The following PRLR variants were observed in gnomAD, a reference collection of about 807,000 sequenced individuals.
PRLR encodes hPRL receptor.
In PRLR, 13 loss-of-function variants were observed where a neutral mutation model predicts 40.2. The observed-to-expected ratio is 0.32, with a 90% confidence interval of 0.21 to 0.51. PRLR has a LOEUF of 0.51. Among genes scored for constraint, PRLR ranks in the 20% least tolerant of loss-of-function variants. PRLR has a pLI of 0.97. For synonymous variants in PRLR, 269 were observed against 278.7 expected, an observed-to-expected ratio of 0.97 and a Z score of 0.35; for missense variants, 656 against 747.3, an observed-to-expected ratio of 0.88 and a Z score of 1.42.
intron 1 of PRLR, among the ~76,000 whole-genome samples, chr5:35,201,312 A>G (rs1183876588): frequency 6.6e-6 from 1 of 152,204 alleles, no homozygotes; most frequent in Non-Finnish European, 1.5e-5. Flanking sequence ...CTTTTAAAAC[A>G]TAGTATATTT....
chr5:35,228,071 CTACTAATGTAAG>C (rs1428289286), intron 1 of PRLR, among the ~76,000 whole-genome samples: 1 of 152,072 alleles, frequency 6.6e-6, no homozygotes, highest in Non-Finnish European at 1.5e-5. Context: ...ACTCATTCTT[CTACTAATGTAAG>C]CCCCATAGGA....
In PRLR at chr5:35,065,957, G is replaced by C; in HGVS notation, c.1001C>G (p.Pro334Arg). The part of the protein sequence containing the change: ...HLMSVHSKEH[P>R]SQGMKPTYLD... ...GTATGTGGGTTTCATACCTTGACTT[G>C]GGTGTTCTTTTGAATGGACTGACAT... Residue 334 changes from proline to arginine, a missense_variant, in exon 10 of 10, where the codon CCA becomes CGA. By Grantham distance (103) the Pro-to-Arg change is moderately radical (BLOSUM62 -2). Coordinates refer to ENST00000618457, the MANE Select transcript of PRLR (RefSeq NM_000949.7). The C allele has an allele frequency of 6.2e-7, 1 of 1,614,082 alleles. No homozygotes were observed.
chr5:35,113,526 T>TATCCATCC (rs112802870), intron 2 of PRLR, among the ~76,000 whole-genome samples: 113 of 137,540 alleles, frequency 8.2e-4, no homozygotes, highest in African/African-American at 2.8e-3. Context: ...TCCATTTATC[T>TATCCATCC]ATCCATCCAT....
chr5:35,052,778 A>G (rs568110840), downstream of PRLR, among the ~76,000 whole-genome samples: 34 of 152,292 alleles, frequency 2.2e-4, no homozygotes, highest in Admixed American at 1.0e-3. Flanking sequence ...AGGCATTCCT[A>G]CACAGAGAGG....
intron 8 of PRLR, among the ~76,000 whole-genome samples, chr5:35,050,480 G>T (rs987339955): frequency 1.3e-5 from 2 of 152,152 alleles, no homozygotes; most frequent in South Asian, 2.1e-4. Flanking sequence ...TTTTACATAA[G>T]ACTAGAGAAG....
intron 1 of PRLR, among the ~76,000 whole-genome samples, chr5:35,154,168 T>A (rs1312537465): frequency 6.6e-6 from 1 of 152,162 alleles, no homozygotes; most frequent in Non-Finnish European, 1.5e-5. Context: ...GGTAGAAAAC[T>A]CATAGAATTA....
chr5:35,221,154 T>C (rs933974498), intron 1 of PRLR, among the ~76,000 whole-genome samples: 6 of 152,200 alleles, frequency 3.9e-5, no homozygotes, highest in African/African-American at 1.4e-4. Flanking sequence ...CCAATGACAG[T>C]CCCTGGAGAC....
chr5:35,054,289 C>T (rs903460214), downstream of PRLR, among the ~76,000 whole-genome samples: 6 of 152,128 alleles, frequency 3.9e-5, no homozygotes, highest in African/African-American at 1.4e-4. Context: ...TTTACATGAC[C>T]CAACAATTCC....
chr5:35,205,898 C>T (rs995865983), intron 1 of PRLR, among the ~76,000 whole-genome samples: 1 of 152,178 alleles, frequency 6.6e-6, no homozygotes, highest in East Asian at 1.9e-4. Flanking sequence ...GAACACATTA[C>T]ATATGCTCAG....
intron 1 of PRLR, among the ~76,000 whole-genome samples, chr5:35,228,232 C>CAAAAAAAAAA (rs55934270): frequency 2.3e-5 from 2 of 87,432 alleles, no homozygotes; most frequent in African/African-American, 7.8e-5. Flanking sequence ...AACAACCATG[C>CAAAAAAAAAA]AAAAAAAAAA....
intron 2 of PRLR, among the ~76,000 whole-genome samples, chr5:35,099,792 T>G (rs182090300): frequency 3.3e-5 from 5 of 152,288 alleles, no homozygotes. Flanking sequence ...CTTTTAAAAA[T>G]AGAAAAAAGT....
chr5:35,135,647 A>C (rs1387092247), intron 1 of PRLR, among the ~76,000 whole-genome samples: 1 of 152,194 alleles, frequency 6.6e-6, no homozygotes, highest in Non-Finnish European at 1.5e-5. Flanking sequence ...GATTGACTCC[A>C]GTATCTTCCT....
rs148158064 is a variant in PRLR at position 35,115,744 on chromosome 5, C to T, written c.-44+2317G>A. Among the ~76,000 whole-genome samples the T allele has an allele frequency of 1.1e-3, 171 of 151,440 alleles. 3 individuals are homozygous for T. In the Middle Eastern group the frequency reaches 0.048, roughly 42 times the overall value. ...TTCCACCCTGGGTGGGTATGGGGCACGAGGGAGTGATTGTTAGGGAGTGAT... is the reference window on the plus strand; with the variant it reads ...TTCCACCCTGGGTGGGTATGGGGCATGAGGGAGTGATTGTTAGGGAGTGAT... On this transcript the variant is annotated intron_variant, in intron 2 of 9. Transcript: ENST00000618457.
Position 35,103,889 on chromosome 5 carries a change from A to G in PRLR, c.-44+14172T>C, listed in dbSNP as rs541181379. Among the ~76,000 whole-genome samples the G allele has an allele frequency of 7.2e-5, 11 of 152,342 alleles. No homozygotes were observed. In the East Asian group the frequency reaches 1.9e-3, roughly 27 times the overall value. ...GTGTGCCTAAGCAGAAGGCCTGACA[A>G]ACATCTGAATGTGTTTTTGAATGTC... On this transcript the variant is annotated intron_variant, in intron 2 of 9. Transcript: ENST00000618457.
intron 5 of PRLR, among the ~76,000 whole-genome samples, chr5:35,075,482 G>T (rs1770019974): frequency 6.6e-6 from 1 of 152,212 alleles, no homozygotes; most frequent in South Asian, 2.1e-4. Context: ...TGGCAGTGAG[G>T]CTGGGGGAGG....
intron 1 of PRLR, among the ~76,000 whole-genome samples, chr5:35,187,724 G>A (rs994954382): frequency 3.9e-4 from 59 of 152,208 alleles, no homozygotes; most frequent in African/African-American, 1.2e-3. Context: ...CCACTTGTCT[G>A]AAGCCGCATA....
intron 3 of PRLR, among the ~76,000 whole-genome samples, chr5:35,087,935 G>A (rs893674475): frequency 3.3e-5 from 5 of 152,114 alleles, no homozygotes; most frequent in Non-Finnish European, 5.9e-5. Flanking sequence ...AGAGAGGAGC[G>A]CTTTCAGATA....
chr5:35,122,083 CA>C (rs2111734373), intron 1 of PRLR, among the ~76,000 whole-genome samples: 1 of 152,192 alleles, frequency 6.6e-6, no homozygotes, highest in East Asian at 1.9e-4. Context: ...ATTAAAAAGA[CA>C]ATAAATATTT....
chr5:35,059,961 G>C lies in PRLR; in HGVS notation c.*5128C>G, dbSNP rs1308869886. 6.6e-6 allele frequency: 1 copy of C among 152,238 alleles called. No individual in the cohort carries two copies. Among genetic ancestry groups the C allele is most frequent in the Non-Finnish European group, 1.5e-5 (1 of 68,102 alleles). 9.4% of individuals were successfully genotyped at this position (152,238 alleles called of 1,614,324 possible). On this transcript the variant is annotated 3_prime_UTR_variant, in exon 10 of 10. Transcript: ENST00000618457. ...CAATCCTCTGGCTTCACCTTCCCAA[G>C]TGTCTAGGACTACAGGTACGTGTCA...
Sources: allele counts gnomAD v4.1 joint callset (sites outside exome capture counted in the v4.1 genomes callset), GRCh38; gene constraint gnomAD v4.1.1; transcripts MANE v1.5; gene names NCBI Gene and HGNC (gene_info 2026-07-23, HGNC 2026-07-21).